CEP128: variants seen among roughly 807,000 people sequenced by gnomAD.
The protein encoded by CEP128 is centrosomal protein 128.
Under a neutral mutation model 156.7 loss-of-function variants are expected in CEP128, and 132 were observed. The ratio of observed to expected loss-of-function variants is 0.84; its 90% CI spans 0.73 to 0.97. CEP128 has a LOEUF of 0.97. CEP128 is among the 50% of genes least tolerant of loss of function. The probability of loss-of-function intolerance (pLI) is 0.00; values close to 1 mark genes in which losing one functional copy is unlikely to be tolerated. For missense variants in CEP128, 1,252 were observed against 1,281.9 expected (o/e 0.98, Z 0.36); for synonymous variants, 469 against 448.9 (o/e 1.04, Z -0.57).
intron 18 of CEP128, among the ~76,000 whole-genome samples, chr14:80,746,675 G>A (rs1899118292): frequency 6.6e-6 from 1 of 152,194 alleles, no homozygotes; most frequent in South Asian, 2.1e-4. Context: ...TGTGACCTTG[G>A]CTTGGCAATA....
At chr14:80,818,968 A>C (rs1885015062) in intron 13 of CEP128, among the ~76,000 whole-genome samples, 1 of 152,202 alleles carries the variant, frequency 6.6e-6, no homozygotes, top group Admixed American at 6.5e-5. Flanking sequence ...CTATTTCTTA[A>C]GATTTAGAGT....
At chr14:80,707,102 T>A (rs1393869806) in intron 19 of CEP128, among the ~76,000 whole-genome samples, 3 of 152,194 alleles carry the variant, frequency 2.0e-5, no homozygotes, top group South Asian at 2.1e-4. Context: ...TGGTGGCAGA[T>A]GTTTGTTTTA....
chr14:80,758,287 C>T (rs926796955), intron 17 of CEP128, among the ~76,000 whole-genome samples: 10 of 152,176 alleles, frequency 6.6e-5, no homozygotes, highest in African/African-American at 2.2e-4. Flanking sequence ...TTTGGGAGGC[C>T]GAGGCTGGTG....
intron 21 of CEP128, among the ~76,000 whole-genome samples, chr14:80,544,047 C>T (rs1457444545): frequency 6.6e-6 from 1 of 152,144 alleles, no homozygotes; most frequent in East Asian, 1.9e-4. Context: ...CTTTCCTGTA[C>T]TCAACAAGCA....
chr14:80,867,847 G>C (rs1484410289), intron 8 of CEP128, among the ~76,000 whole-genome samples: 1 of 152,058 alleles, frequency 6.6e-6, no homozygotes, highest in Non-Finnish European at 1.5e-5. Context: ...AGAACACCCA[G>C]ATCCTTGAAG....
chr14:80,910,015 T>C (rs949630211), intron 4 of CEP128, among the ~76,000 whole-genome samples: 1 of 152,286 alleles, frequency 6.6e-6, no homozygotes, highest in Middle Eastern at 3.4e-3. Flanking sequence ...AACTACAATG[T>C]TATAAATTCT....
At chr14:80,647,850 C>G (rs781331851) in intron 19 of CEP128, among the ~76,000 whole-genome samples, 4 of 152,128 alleles carry the variant, frequency 2.6e-5, no homozygotes, top group Non-Finnish European at 5.9e-5. Flanking sequence ...AACACTTTGT[C>G]TGCATTAACA....
chr14:80,643,351 C>T (rs888247415), intron 19 of CEP128, among the ~76,000 whole-genome samples: 5 of 152,128 alleles, frequency 3.3e-5, no homozygotes, highest in Admixed American at 6.5e-5. Flanking sequence ...AGCGGCACCA[C>T]AGCAGTCAGC....
intron 24 of CEP128, among the ~76,000 whole-genome samples, chr14:80,499,881 C>T (rs966124716): frequency 1.1e-4 from 16 of 152,162 alleles, no homozygotes; most frequent in African/African-American, 3.9e-4. Flanking sequence ...CCTTACTAAG[C>T]CCCCACTGTC....
At chr14:80,950,156 A>G (rs901986659) in intron 2 of CEP128, among the ~76,000 whole-genome samples, 4 of 152,198 alleles carry the variant, frequency 2.6e-5, no homozygotes, top group Non-Finnish European at 5.9e-5. Flanking sequence ...GAGAGATTGC[A>G]GTGATATAAC....
chr14:80,658,268 T>G (rs1244548567), intron 19 of CEP128, among the ~76,000 whole-genome samples: 1 of 152,120 alleles, frequency 6.6e-6, no homozygotes, highest in African/African-American at 2.4e-5. Context: ...GGAGAGGAAA[T>G]TGGTTTTGAG....
chr14:80,688,120 T>G (rs1896589361), intron 19 of CEP128, among the ~76,000 whole-genome samples: 1 of 152,144 alleles, frequency 6.6e-6, no homozygotes, highest in African/African-American at 2.4e-5. Flanking sequence ...GGTCCCAATT[T>G]AATATCATTA....
intron 13 of CEP128, chr14:80,830,629 G>A (rs921866628): frequency 1.7e-4 from 29 of 172,248 alleles, no homozygotes; most frequent in African/African-American, 5.5e-4. Context: ...CTCCATTCAC[G>A]GTTACCATAT....
At position 80,526,864 on chromosome 14, in the gene CEP128, A is replaced by G; in HGVS notation, c.3072+5T>C. ...AAGACTAAAAAAGTATATAAAGAAA[A>G]TTACTTTGAAACTTTTGGTTCTGTA... On this transcript the variant is annotated splice_donor_5th_base_variant and intron_variant, in intron 23 of 24. Transcript: ENST00000555265. The G allele has an allele frequency of 1.3e-6, 2 of 1,531,490 alleles. No individual in the cohort carries two copies. The highest frequency in any genetic ancestry group is 1.8e-6 in the Non-Finnish European group (2 of 1,109,054). The allele number at this position is 1,531,490 out of a possible 1,614,324, so 94.9% of individuals were successfully genotyped here.
At chr14:80,539,475 T>G (rs1889641718) in intron 21 of CEP128, among the ~76,000 whole-genome samples, 1 of 152,244 alleles carries the variant, frequency 6.6e-6, no homozygotes, top group African/African-American at 2.4e-5. Flanking sequence ...AATACTCTTA[T>G]AATTTATTAC....
chr14:80,768,995 C>T (rs1900378723), intron 16 of CEP128, among the ~76,000 whole-genome samples: 1 of 152,124 alleles, frequency 6.6e-6, no homozygotes, highest in African/African-American at 2.4e-5. Flanking sequence ...ATTCTTATTA[C>T]ATATTTCTCT....
chr14:80,638,154 C>T (rs747212251), intron 19 of CEP128, among the ~76,000 whole-genome samples: 3 of 152,144 alleles, frequency 2.0e-5, no homozygotes, highest in African/African-American at 7.2e-5. Context: ...TTCTGGAATG[C>T]CCTTCTTCCT....
chr14:80,760,726 T>C (rs1204256382), intron 17 of CEP128, among the ~76,000 whole-genome samples: 1 of 152,120 alleles, frequency 6.6e-6, no homozygotes, highest in Non-Finnish European at 1.5e-5. Context: ...AGTGCTTACC[T>C]GCAAGGAATT....
intron 19 of CEP128, among the ~76,000 whole-genome samples, chr14:80,619,769 A>G (rs1165570240): frequency 6.6e-6 from 1 of 152,192 alleles, no homozygotes; most frequent in East Asian, 1.9e-4. Flanking sequence ...CTGGAAATAA[A>G]AAATAATAGC....
Sources: gnomAD v4.1 joint callset for allele counts (sites outside exome capture counted in the v4.1 genomes callset) on GRCh38, gnomAD v4.1.1 for gene constraint, MANE v1.5 for transcripts, NCBI Gene and HGNC (gene_info 2026-07-23, HGNC 2026-07-21) for gene names.